CRMP1: variants seen among roughly 807,000 people sequenced by gnomAD.
CRMP1 encodes the protein dihydropyrimidinase-related protein 1.
Under a neutral mutation model 68.3 loss-of-function variants are expected in CRMP1, and 19 were observed. That is an observed-to-expected ratio of 0.28 (90% CI 0.19 to 0.41). The LOEUF is 0.41. Among genes scored for constraint, CRMP1 ranks in the 10% least tolerant of loss-of-function variants. The probability of loss-of-function intolerance (pLI) is 1.00; values close to 1 mark genes in which losing one functional copy is unlikely to be tolerated. For synonymous variants in CRMP1, 439 were observed against 399.6 expected, an observed-to-expected ratio of 1.10 and a Z score of -1.18; for missense variants, 791 against 967.4, an observed-to-expected ratio of 0.82 and a Z score of 2.42.
intron 1 of CRMP1, among the ~76,000 whole-genome samples, chr4:5,886,594 A>G (rs896888446): frequency 1.3e-5 from 2 of 152,212 alleles, no homozygotes; most frequent in Non-Finnish European, 2.9e-5. Context: ...CTTGCAGGCC[A>G]TCCTATTAAG....
At position 5,850,165 on chromosome 4, in the gene CRMP1, T is replaced by C. The variant is rs557396374; in HGVS notation, c.883-693A>G. ...TCCAGGGACACTTGAACCTCAACTTTGTTCTCCATGCATGCAAGACAACAT... is the reference window on the plus strand; with the variant it reads ...TCCAGGGACACTTGAACCTCAACTTCGTTCTCCATGCATGCAAGACAACAT... On this transcript the variant is annotated intron_variant, in intron 5 of 13. Transcript: ENST00000324989. The surrounding 1 kb of genome is among the most constrained non-coding windows in gnomAD (Gnocchi z 4.4). Among the ~76,000 whole-genome samples the C allele has an allele frequency of 6.6e-6, 1 of 152,296 alleles. No homozygotes were observed. The highest frequency in any genetic ancestry group is 2.1e-4 in the South Asian group (1 of 4,826).
chr4:5,864,671 C>A (rs992872284), intron 2 of CRMP1, among the ~76,000 whole-genome samples: 5 of 152,132 alleles, frequency 3.3e-5, no homozygotes, highest in African/African-American at 9.7e-5. Flanking sequence ...GAGGGATGCA[C>A]CCCACACCGT....
intron 9 of CRMP1, among the ~76,000 whole-genome samples, chr4:5,837,669 A>AAAAT (rs779231499): frequency 0.41 from 52,104 of 128,080 alleles, 11,428 homozygotes; most frequent in African/African-American, 0.57. Context: ...AAAATAAAAT[A>AAAAT]AAATAAAATA....
Position 5,893,017 on chromosome 4 carries a change from G to A in CRMP1, c.-48C>T. On this transcript the variant is annotated 5_prime_UTR_variant, in exon 1 of 14. Coordinates refer to ENST00000324989, the MANE Select transcript of CRMP1 (RefSeq NM_001014809.3). ...ACCGCGCTCCCGCCTGCCCGCCCGC[G>A]GCCCTGGGCACCGCCGTGCGCCGCG... The A allele has an allele frequency of 1.8e-6, 2 of 1,114,872 alleles. No individual in the cohort carries two copies. Among genetic ancestry groups the A allele is most frequent in the Non-Finnish European group, 2.2e-6 (2 of 910,754 alleles). The allele number at this position is 1,114,872 out of a possible 1,614,324, so 69.1% of individuals were successfully genotyped here.
rs1715932439 is a variant in CRMP1 at position 5,891,201 on chromosome 4, C to CACACACACACACACAT, written c.381+1387_381+1388insATGTGTGTGTGTGTGT. Among the ~76,000 whole-genome samples, 1 of 151,484 alleles carries CACACACACACACACAT rather than the reference C, an allele frequency of 6.6e-6. No individual in the cohort carries two copies. Among genetic ancestry groups the CACACACACACACACAT allele is most frequent in the Admixed American group, 6.6e-5 (1 of 15,234 alleles). The stretch of plus-strand genomic sequence containing the variant: ...ACACACACACACACACACACACACA[C>CACACACACACACACAT]ACACACACACACCCTTGCTGTTGGA... On this transcript the variant is annotated intron_variant, in intron 1 of 13. Transcript: ENST00000324989. The surrounding 1 kb of genome is among the most constrained non-coding windows in gnomAD (Gnocchi z 5.2).
chr4:5,836,036 T>C lies in CRMP1; in HGVS notation c.1502A>G (p.Asn501Ser), dbSNP rs757361313. Residue 501 changes from asparagine to serine, a missense_variant, in exon 11 of 14, where the codon AAT (asparagine) becomes AGT (serine). By Grantham distance (46) the Asn-to-Ser change is conservative. Coordinates refer to ENST00000324989, the MANE Select transcript of CRMP1 (RefSeq NM_001014809.3). ...GTACAGGTTAAAGATCTTGGCTGCATTGGTGCTGGTGACAGCGACAAACTG... is the reference window on the plus strand; with the variant it reads ...GTACAGGTTAAAGATCTTGGCTGCACTGGTGCTGGTGACAGCGACAAACTG... ...ENQFVAVTST[N>S]AAKIFNLYPR... The C allele has an allele frequency of 1.6e-5, 25 of 1,599,402 alleles. No individual in the cohort carries two copies. Among genetic ancestry groups the C allele is most frequent in the Middle Eastern group, 1.7e-4 (1 of 6,034 alleles).
intron 1 of CRMP1, among the ~76,000 whole-genome samples, chr4:5,884,246 G>A (rs1358592207): frequency 5.9e-5 from 9 of 152,190 alleles, no homozygotes; most frequent in Non-Finnish European, 1.5e-5. Context: ...TAGATAGGCT[G>A]AATGTCACCC....
rs557797818 is a variant in CRMP1 at position 5,843,522 on chromosome 4, A to G, written c.964-361T>C. Among the ~76,000 whole-genome samples the G allele has an allele frequency of 2.7e-4, 41 of 152,126 alleles. No homozygotes were observed. The highest frequency in any genetic ancestry group is 5.0e-4 in the Non-Finnish European group (34 of 68,028). On this transcript the variant is annotated intron_variant, in intron 6 of 13. Transcript: ENST00000324989. The surrounding 1 kb of genome is among the most constrained non-coding windows in gnomAD (Gnocchi z 4.1). ...CTGGGAAGAAACGTGGTGTTTGGGT[A>G]CAACATGGATATCTTCAACTAGGAA...
rs545422610 is a variant in CRMP1, at chr4:5,883,236, C to CTTCCTTCCTTCCATCT, written c.381+9352_381+9353insAGATGGAAGGAAGGAA. On this transcript the variant is annotated intron_variant, in intron 1 of 13. Coordinates refer to ENST00000324989, the MANE Select transcript of CRMP1 (RefSeq NM_001014809.3). This position sits in a 1 kb window ranked among gnomAD's most constrained non-coding sequence, Gnocchi z 4.5. ...CCTGTTCCGCAGCCTGCCTGCTTTC[C>CTTCCTTCCTTCCATCT]TTCCTTCCTTCCTTCCTTCCTTCCT... Among the ~76,000 whole-genome samples the CTTCCTTCCTTCCATCT allele has an allele frequency of 2.1e-3, 207 of 100,834 alleles. No individual in the cohort carries two copies. Among genetic ancestry groups the CTTCCTTCCTTCCATCT allele is most frequent in the African/African-American group, 6.3e-3 (198 of 31,304 alleles). The allele number at this position is 100,834 out of a possible 152,430, so 66.2% of individuals were successfully genotyped here.
In CRMP1 at chr4:5,879,970, A is replaced by T. The variant is rs1407298475; in HGVS notation, c.381+12619T>A. The stretch of plus-strand genomic sequence containing the variant: ...TAAAGAATTGGAGTGGTTTTGGAAA[A>T]GAGAAGGTCCTAAGTAATGGAGAAA... On this transcript the variant is annotated intron_variant, in intron 1 of 13. Transcript: ENST00000324989. This position sits in a 1 kb window ranked among gnomAD's most constrained non-coding sequence, Gnocchi z 4.2. 6.6e-6 allele frequency among the ~76,000 whole-genome samples: 1 copy of T among 152,246 alleles called. No homozygotes were observed. Among genetic ancestry groups the T allele is most frequent in the Non-Finnish European group, 1.5e-5 (1 of 68,048 alleles).
In CRMP1 at chr4:5,842,530, T is replaced by C. The variant is rs1031800110; in HGVS notation, c.1032+563A>G. Among the ~76,000 whole-genome samples, 11 of 151,304 alleles carry C rather than the reference T, an allele frequency of 7.3e-5. No homozygotes were observed. The highest frequency in any genetic ancestry group is 2.7e-4 in the African/African-American group (11 of 41,202). On this transcript the variant is annotated intron_variant, in intron 7 of 13. Coordinates refer to ENST00000324989, the MANE Select transcript of CRMP1 (RefSeq NM_001014809.3). The surrounding 1 kb of genome is among the most constrained non-coding windows in gnomAD (Gnocchi z 4.5). ...GGTGCCCACTCTATTCCATGCCCGA[T>C]CAGCTTGCCTTCCTCCTTCCACACT...
In CRMP1 at chr4:5,888,305, G is replaced by T; in HGVS notation, c.381+4284C>A. Reference sequence around the variant, plus strand: ...GCCCTCGGCCCGGCCGCTGACCTGCGGGGCTGTCTGACTGGAACCGGCGCT... The same window carrying T: ...GCCCTCGGCCCGGCCGCTGACCTGCTGGGCTGTCTGACTGGAACCGGCGCT... On this transcript the variant is annotated intron_variant, in intron 1 of 13. Transcript: ENST00000324989. This position sits in a 1 kb window ranked among gnomAD's most constrained non-coding sequence, Gnocchi z 6.4. 1 of 1,252,340 alleles carries T rather than the reference G, an allele frequency of 8.0e-7. No individual in the cohort carries two copies. 77.6% of individuals were successfully genotyped at this position (1,252,340 alleles called of 1,614,324 possible). A position where few individuals can be genotyped will look rare whatever the true frequency, so the allele number is the denominator to read the frequency against.
chr4:5,836,080 A>G lies in CRMP1; in HGVS notation c.1458T>C (p.Thr486=). Residue 486 remains threonine, a synonymous_variant, in exon 11 of 14, where the codon ACT becomes ACC. Coordinates refer to ENST00000324989, the MANE Select transcript of CRMP1 (RefSeq NM_001014809.3). ...CAAACTGGTTCTCATCCATTTTGCCAGTAGCCTACAGGCAAGACCCACAGA... is the reference window on the plus strand; with the variant it reads ...CAAACTGGTTCTCATCCATTTTGCCGGTAGCCTACAGGCAAGACCCACAGA... ...MTVVWDKAVA[T]GKMDENQFVA... 1.3e-6 allele frequency: 2 copies of G among 1,515,952 alleles called. No homozygotes were observed. Among genetic ancestry groups the G allele is most frequent in the South Asian group, 1.4e-5 (1 of 71,766 alleles). 93.9% of individuals were successfully genotyped at this position (1,515,952 alleles called of 1,614,324 possible). A position where few individuals can be genotyped will look rare whatever the true frequency, so the allele number is the denominator to read the frequency against.
In CRMP1 at chr4:5,890,932, T is replaced by C. The variant is rs926289345; in HGVS notation, c.381+1657A>G. Reference sequence around the variant, plus strand: ...AAGACGGCCACCCCCATCTGACAGATGGAGAAGCTGAGGCCCAAGAGAGCA... The same window carrying C: ...AAGACGGCCACCCCCATCTGACAGACGGAGAAGCTGAGGCCCAAGAGAGCA... On this transcript the variant is annotated intron_variant, in intron 1 of 13. Transcript: ENST00000324989. The surrounding 1 kb of genome is among the most constrained non-coding windows in gnomAD (Gnocchi z 5.5). Among the ~76,000 whole-genome samples the C allele has an allele frequency of 2.0e-5, 3 of 151,962 alleles. No homozygotes were observed. The highest frequency in any genetic ancestry group is 4.8e-5 in the African/African-American group (2 of 41,372).
intron 6 of CRMP1, among the ~76,000 whole-genome samples, chr4:5,846,757 A>ATTTTTTTTT (rs71171490): frequency 5.6e-5 from 3 of 53,742 alleles, no homozygotes; most frequent in African/African-American, 3.3e-4. Flanking sequence ...TGCCCGGCTA[A>ATTTTTTTTT]TTTTTTTTTT....
chr4:5,871,427 G>A (rs1444708603), intron 1 of CRMP1, among the ~76,000 whole-genome samples: 2 of 152,150 alleles, frequency 1.3e-5, no homozygotes, highest in Non-Finnish European at 2.9e-5. Flanking sequence ...TTGGGAGGCT[G>A]AGGTGGGCGG....
Position 5,893,008 on chromosome 4 carries a change from C to T in CRMP1, c.-39G>A. The T allele has an allele frequency of 8.8e-7, 1 of 1,136,702 alleles. No individual in the cohort carries two copies. Among genetic ancestry groups the T allele is most frequent in the Non-Finnish European group, 1.1e-6 (1 of 926,376 alleles). 70.4% of individuals were successfully genotyped at this position (1,136,702 alleles called of 1,614,324 possible). ...CGGCCACCCACCGCGCTCCCGCCTG[C>T]CCGCCCGCGGCCCTGGGCACCGCCG... On this transcript the variant is annotated 5_prime_UTR_variant, in exon 1 of 14. Coordinates refer to ENST00000324989, the MANE Select transcript of CRMP1 (RefSeq NM_001014809.3).
rs1285855743 is a variant in CRMP1, at chr4:5,892,497, C to A, written c.381+92G>T. 7 of 1,119,650 alleles carry A rather than the reference C, an allele frequency of 6.3e-6. No homozygotes were observed. The highest frequency in any genetic ancestry group is 7.7e-6 in the Non-Finnish European group (7 of 911,538). 69.4% of individuals were successfully genotyped at this position (1,119,650 alleles called of 1,614,324 possible). On this transcript the variant is annotated intron_variant, in intron 1 of 13. Transcript: ENST00000324989. This position sits in a 1 kb window ranked among gnomAD's most constrained non-coding sequence, Gnocchi z 8.6. ...CAGCCTGGCGGCCGCTGCCCCAACA[C>A]CGGGGCCCGGGCATGGCCCTCGGGC...
rs1259807278 is a variant in CRMP1 at position 5,890,504 on chromosome 4, C to G, written c.381+2085G>C. ...CCCGGAACCCGAGCCCACTGTAACC[C>G]AAGCCTCAAGGCCGCTCTGCCGGCA... On this transcript the variant is annotated intron_variant, in intron 1 of 13. Coordinates refer to ENST00000324989, the MANE Select transcript of CRMP1 (RefSeq NM_001014809.3). The surrounding 1 kb of genome is among the most constrained non-coding windows in gnomAD (Gnocchi z 5.5). 6.6e-6 allele frequency among the ~76,000 whole-genome samples: 1 copy of G among 152,240 alleles called. No homozygotes were observed. Among genetic ancestry groups the G allele is most frequent in the Admixed American group, 6.5e-5 (1 of 15,294 alleles).
Sources: gnomAD v4.1 joint callset for allele counts (sites outside exome capture counted in the v4.1 genomes callset) on GRCh38, gnomAD v4.1.1 for gene constraint, Gnocchi (gnomAD v3.1) non-coding constraint, MANE v1.5 for transcripts, NCBI Gene and HGNC (gene_info 2026-07-23, HGNC 2026-07-21) for gene names.